Variants in FGD6 observed in about 807,000 individuals in gnomAD.
FGD6 encodes FYVE, RhoGEF and PH domain containing 6, also known as FYVE, RhoGEF and PH domain-containing protein 6.
Under a neutral mutation model 149.4 loss-of-function variants are expected in FGD6, and 90 were observed. The observed-to-expected ratio is 0.60, with a 90% CI of 0.51 to 0.72. The LOEUF is 0.72. FGD6 is among the 30% of genes least tolerant of loss of function. The pLI is 0.00. For missense variants in FGD6, 1,437 were observed against 1,684.8 expected (o/e 0.85, Z 2.57); for synonymous variants, 527 against 584.0 (o/e 0.90, Z 1.41).
rs772685891 is a variant in FGD6, at chr12:95,083,030, T to TATATATATATATATATATAC, written c.4256+1467_4256+1468insGTATATATATATATATATAT. On this transcript the variant is annotated intron_variant, in intron 20 of 20. Coordinates refer to ENST00000343958, the MANE Select transcript of FGD6 (RefSeq NM_018351.4). Reference sequence around the variant, plus strand: ...AAAAAAAAATATATATATATATATATACACACACATACACACACACACACA... The same window carrying TATATATATATATATATATAC: ...AAAAAAAAATATATATATATATATATATATATATATATATATATACACACACACATACACACACACACACA... Among the ~76,000 whole-genome samples, 66 of 56,548 alleles carry TATATATATATATATATATAC rather than the reference T, an allele frequency of 1.2e-3. 1 individual carries two copies. Among genetic ancestry groups the TATATATATATATATATATAC allele is most frequent in the East Asian group, 2.0e-3 (5 of 2,456 alleles). 37.1% of individuals were successfully genotyped at this position (56,548 alleles called of 152,430 possible).
chr12:95,205,344 C>T (rs2171576), intron 2 of FGD6, among the ~76,000 whole-genome samples: 51,265 of 151,894 alleles, frequency 0.34, 8,735 homozygotes, highest in South Asian at 0.38. Context: ...ATATGGGCTA[C>T]ACCCAAGCTT....
chr12:95,082,049 T>G (rs1479248872), intron 20 of FGD6, among the ~76,000 whole-genome samples: 1 of 152,122 alleles, frequency 6.6e-6, no homozygotes, highest in Admixed American at 6.5e-5. Flanking sequence ...GGTCCAAAAT[T>G]TAGCCTGGAA....
intron 8 of FGD6, among the ~76,000 whole-genome samples, chr12:95,119,015 C>T (rs1879105901): frequency 1.3e-5 from 2 of 152,154 alleles, no homozygotes; most frequent in Admixed American, 1.3e-4. Flanking sequence ...GGTGCGATGG[C>T]TCATGCCTGT....
In FGD6 at chr12:95,091,537, A is replaced by G. The variant is rs554873065; in HGVS notation, c.3850+170T>C. Among the ~76,000 whole-genome samples, 3 of 152,294 alleles carry G rather than the reference A, an allele frequency of 2.0e-5. No individual in the cohort carries two copies. The South Asian group carries it at 6.2e-4, about 32-fold the overall frequency. On this transcript the variant is annotated intron_variant, in intron 17 of 20. Transcript: ENST00000343958. ...CAGACTGAAACCAAATTTCAGCCCA[A>G]CCTCTCCCAGAATTACAACAAAATA... is the stretch of plus-strand genomic sequence containing the variant.
chr12:95,136,809 G>T (rs1879679121), intron 7 of FGD6, among the ~76,000 whole-genome samples: 1 of 152,208 alleles, frequency 6.6e-6, no homozygotes, highest in Non-Finnish European at 1.5e-5. Flanking sequence ...AGAGAGAATA[G>T]AGTTAATGTT....
At chr12:95,116,248 G>T (rs1460215213) in intron 8 of FGD6, among the ~76,000 whole-genome samples, 1 of 152,120 alleles carries the variant, frequency 6.6e-6, no homozygotes, top group African/African-American at 2.4e-5. Flanking sequence ...AGTTGACAGG[G>T]TTGGGGAGAC....
intron 9 of FGD6, among the ~76,000 whole-genome samples, chr12:95,109,543 C>G (rs1348144860): frequency 6.8e-6 from 1 of 146,282 alleles, no homozygotes; most frequent in African/African-American, 2.5e-5. Context: ...GTGGCAGTGA[C>G]AGTGGTCATC....
chr12:95,134,707 T>C (rs770239788), intron 8 of FGD6, 32 bp downstream of exon 8: 5 of 1,600,538 alleles, frequency 3.1e-6, no homozygotes, highest in Non-Finnish European at 4.3e-6. Context: ...ATAAACCAAC[T>C]GGGTGGTTGG....
chr12:95,117,015 C>T (rs1162828037), intron 8 of FGD6: 1 of 437,420 alleles, frequency 2.3e-6, no homozygotes, highest in Non-Finnish European at 4.6e-6. Context: ...ACCAGACAGA[C>T]ACGCCTATAT....
intron 20 of FGD6, among the ~76,000 whole-genome samples, chr12:95,081,954 G>A (rs1877689623): frequency 1.3e-5 from 2 of 152,066 alleles, no homozygotes; most frequent in African/African-American, 2.4e-5. Flanking sequence ...TTACAGGCGT[G>A]AGCCACCGTG....
At chr12:95,140,901 T>C (rs902661615) in intron 6 of FGD6, among the ~76,000 whole-genome samples, 1 of 152,102 alleles carries the variant, frequency 6.6e-6, no homozygotes, top group East Asian at 1.9e-4. Context: ...GAGCTTGGTG[T>C]GCCAAGGTTG....
rs1006170295 is a variant in FGD6 at position 95,091,751 on chromosome 12, G to A, written c.3806C>T (p.Pro1269Leu). ...GAAACAATGTTCACATACTCTTGCTGGTTGATTTTTCAGGTAATCTAAGCC... is the reference window on the plus strand; with the variant it reads ...GAAACAATGTTCACATACTCTTGCTAGTTGATTTTTCAGGTAATCTAAGCC... ...KYGLDYLKNQPARVCEHCFQE... is the reference protein window; with the variant it reads ...KYGLDYLKNQLARVCEHCFQE... The change falls in exon 17 of 21, where the codon CCA becomes CTA. Residue 1269 changes from proline to leucine, a missense_variant. Around this residue, in one of 2 missense-constraint regions of FGD6, gnomAD observed 382 missense variants for 538.7 expected, o/e 0.71. Coordinates refer to ENST00000343958, the MANE Select transcript of FGD6 (RefSeq NM_018351.4). 6.2e-7 allele frequency: 1 copy of A among 1,613,404 alleles called. No individual in the cohort carries two copies. Among genetic ancestry groups the A allele is most frequent in the African/African-American group, 1.3e-5 (1 of 74,892 alleles).
At chr12:95,100,055 TCCCC>T (rs33962935) in intron 14 of FGD6, among the ~76,000 whole-genome samples, 100,835 of 129,404 alleles carry the variant, frequency 0.78, 38,570 homozygotes, top group African/African-American at 0.82. Context: ...ACTTTTCTGA[TCCCC>T]CCCCCCCCCA....
At chr12:95,183,035 G>A (rs903546878) in intron 2 of FGD6, among the ~76,000 whole-genome samples, 5 of 152,254 alleles carry the variant, frequency 3.3e-5, no homozygotes, top group African/African-American at 1.2e-4. Flanking sequence ...GCCACGCTAT[G>A]CTCTTGATTG....
intron 12 of FGD6, 57 bp from the exon 13 acceptor site, chr12:95,107,094 AT>A: frequency 7.9e-7 from 1 of 1,263,712 alleles, no homozygotes; most frequent in South Asian, 1.3e-5. Flanking sequence ...TGCCACAAAG[AT>A]TTTGACAAGA....
At chr12:95,156,634 A>G (rs533011417) in intron 3 of FGD6, among the ~76,000 whole-genome samples, 53 of 152,228 alleles carry the variant, frequency 3.5e-4, no homozygotes, top group Non-Finnish European at 5.6e-4. Flanking sequence ...CTTGTGAAGC[A>G]TGTGATCTCT....
chr12:95,153,755 C>T (rs1319450573), intron 3 of FGD6, among the ~76,000 whole-genome samples: 3 of 152,114 alleles, frequency 2.0e-5, no homozygotes, highest in Non-Finnish European at 2.9e-5. Flanking sequence ...TATTTTAACT[C>T]ACAACTTAAA....
intron 2 of FGD6, among the ~76,000 whole-genome samples, chr12:95,182,470 G>A (rs1881313008): frequency 6.6e-6 from 1 of 151,996 alleles, no homozygotes; most frequent in African/African-American, 2.4e-5. Context: ...CAAAGTGCTG[G>A]GATTACAGGT....
In FGD6 at chr12:95,210,303, G is replaced by A; in HGVS notation, c.981C>T (p.Arg327=). The change falls in exon 2 of 21, where the codon CGC becomes CGT. Residue 327 remains arginine (R), a synonymous_variant. Coordinates refer to ENST00000343958, the MANE Select transcript of FGD6 (RefSeq NM_018351.4). The stretch of plus-strand genomic sequence containing the variant: ...CACTAGGAGTATCTACACACTTTTG[G>A]CGTAACAGACGAGCAGTTCGTGTCT... The part of the protein sequence containing the change: ...PRKTRTARLL[R]QKCVDTPSES... 6.2e-7 allele frequency: 1 copy of A among 1,614,100 alleles called. No homozygotes were observed. Among genetic ancestry groups the A allele is most frequent in the Non-Finnish European group, 8.5e-7 (1 of 1,180,022 alleles).
Sources: gnomAD v4.1 joint callset for allele counts (sites outside exome capture counted in the v4.1 genomes callset) on GRCh38, gnomAD v4.1.1 for gene constraint, gnomAD v4.1.1 regional missense constraint, MANE v1.5 for transcripts, NCBI Gene and HGNC (gene_info 2026-07-23, HGNC 2026-07-21) for gene names.